The following SBF2 variants were observed in gnomAD, a reference collection of about 807,000 sequenced individuals.
SBF2 encodes the protein myotubularin-related protein 13.
Under a neutral mutation model 225.2 loss-of-function variants are expected in SBF2, and 112 were observed. That is an observed-to-expected ratio of 0.50 (90% CI 0.43 to 0.58). The LOEUF is 0.58. SBF2 is among the 20% of genes least tolerant of loss of function. SBF2 has a pLI of 0.00. For synonymous variants in SBF2, 763 were observed against 773.3 expected (o/e 0.99, Z 0.22); for missense variants, 1,996 against 2,206.2 (o/e 0.90, Z 1.91).
At chr11:10,157,489 G>A (rs1464173509) in intron 2 of SBF2, among the ~76,000 whole-genome samples, 3 of 152,128 alleles carry the variant, frequency 2.0e-5, no homozygotes, top group Non-Finnish European at 4.4e-5. Flanking sequence ...AAAACCTACC[G>A]AATGGGAGGA....
intron 1 of SBF2, among the ~76,000 whole-genome samples, chr11:10,277,917 G>A (rs61889836): frequency 0.11 from 16,108 of 152,152 alleles, 999 homozygotes; most frequent in Non-Finnish European, 0.11. Context: ...GTGAGAGAAT[G>A]GTGTTTGTTT....
intron 1 of SBF2, among the ~76,000 whole-genome samples, chr11:10,292,358 C>T (rs967066044): frequency 6.6e-6 from 1 of 152,164 alleles, no homozygotes; most frequent in Non-Finnish European, 1.5e-5. Context: ...TTGTACCATT[C>T]TTGCAACTTT....
intron 2 of SBF2, among the ~76,000 whole-genome samples, chr11:10,066,968 T>C (rs900005384): frequency 1.3e-5 from 2 of 152,170 alleles, no homozygotes; most frequent in Non-Finnish European, 2.9e-5. Flanking sequence ...TAAAATGTCA[T>C]TTATAAAAGC....
At chr11:10,121,063 G>A (rs543000222) in intron 2 of SBF2, among the ~76,000 whole-genome samples, 53 of 152,260 alleles carry the variant, frequency 3.5e-4, no homozygotes, top group South Asian at 1.0e-3. Flanking sequence ...ATCACGCCCC[G>A]CCTGTTTTTT....
chr11:10,234,407 T>C (rs1261269668), intron 1 of SBF2, among the ~76,000 whole-genome samples: 3 of 152,222 alleles, frequency 2.0e-5, no homozygotes, highest in Admixed American at 6.5e-5. Flanking sequence ...GAGCAATTCA[T>C]GTACATTTTG....
At chr11:9,871,692 C>T (rs1176385271) in intron 17 of SBF2, among the ~76,000 whole-genome samples, 1 of 151,912 alleles carries the variant, frequency 6.6e-6, no homozygotes, top group Admixed American at 6.6e-5. Flanking sequence ...GGGGTTTCAC[C>T]GTGTTAGCCA....
chr11:10,212,418 T>C (rs557045869), intron 1 of SBF2, among the ~76,000 whole-genome samples: 2 of 152,300 alleles, frequency 1.3e-5, no homozygotes, highest in South Asian at 2.1e-4. Flanking sequence ...TTGTAAATAA[T>C]AAAAGACCCC....
In SBF2 at chr11:9,989,055, T is replaced by TATATATATATATATATATATATATATAC. The variant is rs963608316; in HGVS notation, c.1395+441_1395+442insGTATATATATATATATATATATATATAT. The stretch of plus-strand genomic sequence containing the variant: ...ACTGTGCCAAATATATATATATATA[T>TATATATATATATATATATATATATATAC]ACATATGCATACATACACATACACA... On this transcript the variant is annotated intron_variant, in intron 13 of 39. Transcript: ENST00000256190. 3.1e-4 allele frequency among the ~76,000 whole-genome samples: 44 copies of TATATATATATATATATATATATATATAC among 142,714 alleles called. 1 individual carries two copies. In the South Asian group the frequency reaches 4.1e-3, roughly 13 times the overall value. The allele number at this position is 142,714 out of a possible 152,430, so 93.6% of individuals were successfully genotyped here.
intron 1 of SBF2, among the ~76,000 whole-genome samples, chr11:10,293,442 G>A (rs1964298454): frequency 6.6e-6 from 1 of 152,214 alleles, no homozygotes; most frequent in African/African-American, 2.4e-5. Context: ...AGAATAGGGA[G>A]CATTTCCTAG....
rs74884264 is a variant in SBF2 at position 10,283,391 on chromosome 11, T to C, written c.55+10624A>G. Among the ~76,000 whole-genome samples, 304 of 152,328 alleles carry C rather than the reference T, an allele frequency of 2.0e-3. 8 individuals carry two copies. In the East Asian group the frequency reaches 0.026, roughly 13 times the overall value. On this transcript the variant is annotated intron_variant, in intron 1 of 39. Coordinates refer to ENST00000256190, the MANE Select transcript of SBF2 (RefSeq NM_030962.4). ...AATAATCAATTATCAATTTTTACAA[T>C]GTCTCAAAATGTGGTATTTCAGGTG...
chr11:10,193,767 CTA>C, intron 2 of SBF2, 133 bp downstream of exon 2: 1 of 705,792 alleles, frequency 1.4e-6, no homozygotes, highest in Non-Finnish European at 2.6e-6. Flanking sequence ...GGGAAGATAA[CTA>C]TTTCTAGTAC....
At chr11:10,282,574 C>T (rs895120779) in intron 1 of SBF2, among the ~76,000 whole-genome samples, 7 of 152,160 alleles carry the variant, frequency 4.6e-5, no homozygotes, top group African/African-American at 1.4e-4. Context: ...TCCATAGCAT[C>T]ATGACACATA....
intron 2 of SBF2, among the ~76,000 whole-genome samples, chr11:10,108,869 C>T (rs1360868081): frequency 6.6e-6 from 1 of 152,072 alleles, no homozygotes; most frequent in East Asian, 1.9e-4. Context: ...TACGACAAAC[C>T]AGATTTCTAT....
chr11:9,824,373 G>A (rs1205473241), intron 28 of SBF2, among the ~76,000 whole-genome samples: 1 of 151,876 alleles, frequency 6.6e-6, no homozygotes, highest in Non-Finnish European at 1.5e-5. Context: ...CCTGGCCAAC[G>A]TGGTGAAACC....
intron 17 of SBF2, among the ~76,000 whole-genome samples, chr11:9,871,640 C>A (rs137860978): frequency 6.6e-6 from 1 of 151,788 alleles, no homozygotes; most frequent in South Asian, 2.1e-4. Flanking sequence ...TACAGGTGAC[C>A]GCCACCATGC....
In SBF2 at chr11:9,920,396, T is replaced by C. The variant is rs144900408; in HGVS notation, c.1861-24385A>G. 6.9e-3 allele frequency among the ~76,000 whole-genome samples: 1,054 copies of C among 152,206 alleles called. 6 individuals carry two copies. The highest frequency in any genetic ancestry group is 8.7e-3 in the Non-Finnish European group (593 of 68,006). Reference sequence around the variant, plus strand: ...CCTGATACAGAGAAGCTACCAGCTTTGTGTGTAGTTTATGAGACCTGATCT... The same window carrying C: ...CCTGATACAGAGAAGCTACCAGCTTCGTGTGTAGTTTATGAGACCTGATCT... On this transcript the variant is annotated intron_variant, in intron 16 of 39. Transcript: ENST00000256190.
At chr11:10,289,127 T>C (rs1394202088) in intron 1 of SBF2, among the ~76,000 whole-genome samples, 1 of 152,190 alleles carries the variant, frequency 6.6e-6, no homozygotes, top group African/African-American at 2.4e-5. Context: ...CCTAAGTGTG[T>C]ACACACCCGG....
chr11:10,129,523 A>G (rs752521009), intron 2 of SBF2, among the ~76,000 whole-genome samples: 16 of 152,230 alleles, frequency 1.1e-4, no homozygotes, highest in Admixed American at 2.0e-4. Flanking sequence ...GCTCTCTTAT[A>G]TCAGCTCACA....
intron 14 of SBF2, among the ~76,000 whole-genome samples, chr11:9,964,786 T>C (rs900927670): frequency 2.6e-5 from 4 of 152,210 alleles, no homozygotes; most frequent in Non-Finnish European, 4.4e-5. Flanking sequence ...ATTAGAAGGA[T>C]ATAAATGAAA....
Sources: allele counts gnomAD v4.1 joint callset (sites outside exome capture counted in the v4.1 genomes callset), GRCh38; gene constraint gnomAD v4.1.1; transcripts MANE v1.5; gene names NCBI Gene and HGNC (gene_info 2026-07-23, HGNC 2026-07-21).